NUB1: variants seen among roughly 807,000 people sequenced by gnomAD.
NUB1 encodes the protein NEDD8 ultimate buster 1.
NUB1 carries 41 observed loss-of-function variants against 77.1 expected under a neutral mutation model. The observed-to-expected ratio is 0.53, with a 90% CI of 0.41 to 0.69. The LOEUF is 0.69. Among genes scored for constraint, NUB1 ranks in the 30% least tolerant of loss-of-function variants. The pLI, the probability that NUB1 is intolerant of heterozygous loss-of-function variation, is 0.00. For synonymous variants in NUB1, 257 were observed against 281.0 expected (o/e 0.91, Z 0.85); for missense variants, 643 against 743.8 (o/e 0.86, Z 1.58).
chr7:151,344,219 T>G (rs1796364701), intron 1 of NUB1, among the ~76,000 whole-genome samples: 1 of 133,076 alleles, frequency 7.5e-6, no homozygotes, highest in African/African-American at 2.7e-5. Context: ...AAAAAGTAGA[T>G]GTGCTGTTAG....
At position 151,364,638 on chromosome 7, in the gene NUB1, C is replaced by T. The variant is rs1055893266; in HGVS notation, c.801-2301C>T. On this transcript the variant is annotated intron_variant, in intron 8 of 14. Transcript: ENST00000568733. ...CTCCTGGGTTCAAGCAATTCTCCCACCTCAGCCTCCCGAGTAGCTGGGATT... is the reference window on the plus strand; with the variant it reads ...CTCCTGGGTTCAAGCAATTCTCCCATCTCAGCCTCCCGAGTAGCTGGGATT... Among the ~76,000 whole-genome samples the T allele has an allele frequency of 2.7e-4, 41 of 151,976 alleles. 1 individual carries two copies. The highest frequency in any genetic ancestry group is 9.7e-4 in the African/African-American group (40 of 41,424).
chr7:151,343,992 C>T (rs570336421), intron 1 of NUB1, among the ~76,000 whole-genome samples: 8 of 151,572 alleles, frequency 5.3e-5, no homozygotes, highest in Admixed American at 3.3e-4. Context: ...CCATCCTGGC[C>T]AACACGGTGA....
rs1797729324 is a variant in NUB1, at chr7:151,367,155, GTT to G, written c.987+31_987+32del. The G allele has an allele frequency of 1.9e-6, 3 of 1,555,434 alleles. No homozygotes were observed. The African/African-American group carries it at 4.1e-5, about 21-fold the overall frequency. ...GTTCCTGGAATTCATCTTATGTCTCGTTGAGTCCATTTCTAGCATTTGTGTTT... is the reference window on the plus strand; with the variant it reads ...GTTCCTGGAATTCATCTTATGTCTCGGAGTCCATTTCTAGCATTTGTGTTT... On this transcript the variant is annotated intron_variant, in intron 9 of 14. Coordinates refer to ENST00000568733, the MANE Select transcript of NUB1 (RefSeq NM_001243351.2).
At chr7:151,360,777 G>A (rs1797338710) in intron 8 of NUB1, 1 of 149,392 alleles carries the variant, frequency 6.7e-6, no homozygotes, top group Non-Finnish European at 1.5e-5. Context: ...CATCACCACA[G>A]GTGCACATCA....
At chr7:151,373,594 T>TG (rs1263287900) in intron 11 of NUB1, among the ~76,000 whole-genome samples, 1 of 152,164 alleles carries the variant, frequency 6.6e-6, no homozygotes, top group Non-Finnish European at 1.5e-5. Flanking sequence ...CCCCAGGCTG[T>TG]GGGGGGCGGG....
At chr7:151,345,598 CT>C in intron 2 of NUB1, 132 bp downstream of exon 2, 1 of 506,784 alleles carries the variant, frequency 2.0e-6, no homozygotes, top group East Asian at 3.3e-5. Context: ...CGGGTACCCA[CT>C]TTTTACTAGG....
chr7:151,359,391 C>T (rs937679277), intron 7 of NUB1, among the ~76,000 whole-genome samples: 19 of 149,784 alleles, frequency 1.3e-4, no homozygotes, highest in African/African-American at 4.5e-4. Context: ...TGCAGTGAGT[C>T]GAGATCGCGC....
At chr7:151,373,736 G>A (rs1244653882) in intron 11 of NUB1, among the ~76,000 whole-genome samples, 1 of 152,216 alleles carries the variant, frequency 6.6e-6, no homozygotes, top group Admixed American at 6.5e-5. Flanking sequence ...TTCCTACCTG[G>A]TTCCTAGAAG....
intron 11 of NUB1, among the ~76,000 whole-genome samples, chr7:151,371,664 G>C (rs1300609610): frequency 3.3e-5 from 5 of 152,214 alleles, no homozygotes; most frequent in Non-Finnish European, 5.9e-5. Context: ...CGGAGCTTTA[G>C]ATGAGCAAGA....
chr7:151,348,942 G>T, intron 2 of NUB1, 131 bp from the exon 3 acceptor site: 2 of 727,164 alleles, frequency 2.8e-6, no homozygotes, highest in South Asian at 3.4e-5. Context: ...TCAAACCACA[G>T]TGTGGACTGC....
chr7:151,356,117 T>C lies in NUB1; in HGVS notation c.599-11T>C. ...ATTGAGTTCATGGAGGTCCTTTTGG[T>C]TTTGTTACAGCAGCAGAGACAGTGG... On this transcript the variant is annotated splice_polypyrimidine_tract_variant and intron_variant, in intron 6 of 14. Coordinates refer to ENST00000568733, the MANE Select transcript of NUB1 (RefSeq NM_001243351.2). 6.2e-7 allele frequency: 1 copy of C among 1,611,948 alleles called. No homozygotes were observed. Among genetic ancestry groups the C allele is most frequent in the Non-Finnish European group, 8.5e-7 (1 of 1,178,126 alleles).
rs1414909712 is a variant in NUB1, at chr7:151,376,306, G to T, written c.1492-328G>T. 6 of 474,674 alleles carry T rather than the reference G, an allele frequency of 1.3e-5. No homozygotes were observed. In the Admixed American group the frequency reaches 1.8e-4, roughly 14 times the overall value. The allele number at this position is 474,674 out of a possible 1,614,324, so 29.4% of individuals were successfully genotyped here. On this transcript the variant is annotated intron_variant, in intron 13 of 14. Coordinates refer to ENST00000568733, the MANE Select transcript of NUB1 (RefSeq NM_001243351.2). Reference sequence around the variant, plus strand: ...AAGTGACGGCTCTGTCCACATTTGTGCCCCTACACGCGTTAGCACGCCTGT... The same window carrying T: ...AAGTGACGGCTCTGTCCACATTTGTTCCCCTACACGCGTTAGCACGCCTGT...
chr7:151,347,351 A>G (rs999545261), intron 2 of NUB1, among the ~76,000 whole-genome samples: 1 of 152,040 alleles, frequency 6.6e-6, no homozygotes, highest in East Asian at 1.9e-4. Flanking sequence ...GTAGTATGCT[A>G]TGGTCCCACC....
In NUB1 at chr7:151,373,911, ACC is replaced by A. The variant is rs140946872; in HGVS notation, c.1249-183_1249-182del. Reference sequence around the variant, plus strand: ...CTGCCTCAGAAGCAGCACTTCCACCACCCCTCTGCCTCTGTGGCACCTCTGCC... The same window carrying A: ...CTGCCTCAGAAGCAGCACTTCCACCACCTCTGCCTCTGTGGCACCTCTGCC... On this transcript the variant is annotated intron_variant, in intron 11 of 14. Coordinates refer to ENST00000568733, the MANE Select transcript of NUB1 (RefSeq NM_001243351.2). Among the ~76,000 whole-genome samples, 1,462 of 151,886 alleles carry A rather than the reference ACC, an allele frequency of 9.6e-3. 26 individuals are homozygous for A. Among genetic ancestry groups the A allele is most frequent in the African/African-American group, 0.033 (1,382 of 41,394 alleles).
At chr7:151,350,931 G>A (rs895994982) in intron 3 of NUB1, among the ~76,000 whole-genome samples, 1 of 152,248 alleles carries the variant, frequency 6.6e-6, no homozygotes, top group African/African-American at 2.4e-5. Flanking sequence ...AAGGAATGAA[G>A]TGCTGATGCG....
chr7:151,344,871 A>AGG (rs1796413377), intron 1 of NUB1, among the ~76,000 whole-genome samples: 1 of 151,932 alleles, frequency 6.6e-6, no homozygotes, highest in South Asian at 2.1e-4. Context: ...GTGGTGGCGC[A>AGG]TGCCTGTAAT....
At chr7:151,347,533 T>C (rs1163720352) in intron 2 of NUB1, among the ~76,000 whole-genome samples, 1 of 152,176 alleles carries the variant, frequency 6.6e-6, no homozygotes, top group Non-Finnish European at 1.5e-5. Context: ...CCATAGTTCA[T>C]TGCAGCCTCA....
intron 3 of NUB1, among the ~76,000 whole-genome samples, chr7:151,350,346 C>T (rs533606313): frequency 1.3e-5 from 2 of 152,336 alleles, no homozygotes; most frequent in South Asian, 4.1e-4. Flanking sequence ...GGGAGAGGCT[C>T]CCTTTCCCAG....
At position 151,376,638 on chromosome 7, in the gene NUB1, T is replaced by C. The variant is rs974447694; in HGVS notation, c.1496T>C (p.Val499Ala). 2.0e-5 allele frequency: 32 copies of C among 1,609,344 alleles called. No homozygotes were observed. Among genetic ancestry groups the C allele is most frequent in the African/African-American group, 2.7e-5 (2 of 74,832 alleles). ...SPSQENIDRL[V>A]YMGFDALVAE... is the part of the protein sequence containing the mutation. Reference sequence around the variant, plus strand: ...GACCCCTGCGCTCTCCCCTAGTTGGTGTACATGGGTTTTGATGCACTCGTG... The same window carrying C: ...GACCCCTGCGCTCTCCCCTAGTTGGCGTACATGGGTTTTGATGCACTCGTG... Residue 499 changes from valine to alanine, a missense_variant, in exon 14 of 15, where the codon GTG becomes GCG. Coordinates refer to ENST00000568733, the MANE Select transcript of NUB1 (RefSeq NM_001243351.2).
Sources: allele counts gnomAD v4.1 joint callset (sites outside exome capture counted in the v4.1 genomes callset), GRCh38; gene constraint gnomAD v4.1.1; transcripts MANE v1.5; gene names NCBI Gene and HGNC (gene_info 2026-07-23, HGNC 2026-07-21).